Variants in RXFP1 observed in about 807,000 individuals in gnomAD.
The protein encoded by RXFP1 is relaxin receptor 1.
RXFP1 carries 73 observed loss-of-function variants against 89.8 expected under a neutral mutation model. The observed-to-expected ratio is 0.81, with a 90% confidence interval of 0.67 to 0.99. The LOEUF is 0.99. Ranked by LOEUF, RXFP1 falls within the 50% of genes least tolerant of loss-of-function variation. The probability of loss-of-function intolerance (pLI) is 0.00; values close to 1 mark genes in which losing one functional copy is unlikely to be tolerated. For synonymous variants in RXFP1, 277 were observed against 305.5 expected, an observed-to-expected ratio of 0.91 and a Z score of 0.97; for missense variants, 793 against 895.5, an observed-to-expected ratio of 0.89 and a Z score of 1.46.
chr4:158,610,503 A>G (rs970484587), intron 6 of RXFP1: 4 of 400,908 alleles, frequency 1.0e-5, no homozygotes, highest in Non-Finnish European at 1.9e-5. Flanking sequence ...TTTATGATCT[A>G]AGATGGGAAA....
intron 2 of RXFP1, among the ~76,000 whole-genome samples, chr4:158,591,763 A>G (rs1759526679): frequency 6.6e-6 from 1 of 152,134 alleles, no homozygotes; most frequent in Admixed American, 6.5e-5. Flanking sequence ...AACTTTTTTA[A>G]TTTTAAAAAT....
chr4:158,537,519 C>A (rs932311058), intron 1 of RXFP1, among the ~76,000 whole-genome samples: 2 of 152,136 alleles, frequency 1.3e-5, no homozygotes, highest in Non-Finnish European at 2.9e-5. Context: ...ACCTAGCTGA[C>A]AACAGAGTCT....
At chr4:158,645,758 T>G (rs1020079681) in intron 15 of RXFP1, among the ~76,000 whole-genome samples, 6 of 152,190 alleles carry the variant, frequency 3.9e-5, no homozygotes, top group Non-Finnish European at 7.4e-5. Flanking sequence ...AATTTATCCA[T>G]GCTCCCTCAA....
rs139002286 is a variant in RXFP1, at chr4:158,537,444, G to T, written c.49+15419G>T. Among the ~76,000 whole-genome samples the T allele has an allele frequency of 2.1e-3, 327 of 152,228 alleles. 3 individuals are homozygous for T. The highest frequency in any genetic ancestry group is 7.7e-3 in the African/African-American group (319 of 41,534). On this transcript the variant is annotated intron_variant, in intron 1 of 17. Coordinates refer to ENST00000307765, the MANE Select transcript of RXFP1 (RefSeq NM_021634.4). ...TGTCCTTTGAGAAAACAGGGTCTTG[G>T]TGGAAGACTATGTTAACATCAGGCC...
chr4:158,545,272 CT>C (rs1380342497), intron 1 of RXFP1, among the ~76,000 whole-genome samples: 89 of 152,094 alleles, frequency 5.9e-4, no homozygotes, highest in African/African-American at 2.1e-3. Flanking sequence ...TGTTCATATC[CT>C]TCGCCCACTT....
intron 5 of RXFP1, among the ~76,000 whole-genome samples, chr4:158,606,454 C>T (rs1762546171): frequency 6.6e-6 from 1 of 152,044 alleles, no homozygotes; most frequent in Non-Finnish European, 1.5e-5. Context: ...ACCTTTAGAC[C>T]TCCAGGCAAT....
chr4:158,616,255 C>T (rs999283388), intron 8 of RXFP1, among the ~76,000 whole-genome samples: 1 of 151,960 alleles, frequency 6.6e-6, no homozygotes, highest in African/African-American at 2.4e-5. Context: ...AACCCCATCT[C>T]CACTAAAAAT....
At position 158,593,411 on chromosome 4, in the gene RXFP1, T is replaced by C. The variant is rs1759924880; in HGVS notation, c.198T>C (p.Asn66=). ...QADEDNCGDN[N]GWSLQFDKYF... is the part of the protein sequence containing the mutation. ...TGATTTTTATTTTAGGAGACAACAA[T>C]GGATGGTCTCTGCAATTTGACAAAT... Residue 66 remains asparagine, a synonymous_variant, in exon 3 of 18, where the codon AAT becomes AAC. Transcript: ENST00000307765. The C allele has an allele frequency of 6.2e-7, 1 of 1,607,302 alleles. No individual in the cohort carries two copies. Among genetic ancestry groups the C allele is most frequent in the Non-Finnish European group, 8.5e-7 (1 of 1,175,150 alleles).
intron 1 of RXFP1, among the ~76,000 whole-genome samples, chr4:158,569,277 A>G (rs1363842848): frequency 6.6e-6 from 1 of 152,266 alleles, no homozygotes; most frequent in African/African-American, 2.4e-5. Context: ...CTATGGAGAT[A>G]GTAAAATGTT....
intron 6 of RXFP1, chr4:158,610,778 C>A: frequency 9.0e-7 from 1 of 1,110,722 alleles, no homozygotes; most frequent in Non-Finnish European, 1.2e-6. Context: ...ATTTCTTACC[C>A]CTTACTGTGC....
At position 158,648,717 on chromosome 4, in the gene RXFP1, G is replaced by T; in HGVS notation, c.1975G>T (p.Gly659Cys). The T allele has an allele frequency of 6.5e-7, 1 of 1,540,048 alleles. No individual in the cohort carries two copies. Among genetic ancestry groups the T allele is most frequent in the Non-Finnish European group, 8.9e-7 (1 of 1,127,580 alleles). ...TTCACTGCTTCAGGTAGAAATACCAGGTACAATATTTTTTAATCTCCTTAA... is the reference window on the plus strand; with the variant it reads ...TTCACTGCTTCAGGTAGAAATACCATGTACAATATTTTTTAATCTCCTTAA... ...FLSLLQVEIP[G>C]TITSWVVIFI... The change falls in exon 17 of 18, where the codon GGT becomes TGT. Residue 659 changes from glycine to cysteine, a missense_variant and splice_region_variant. Transcript: ENST00000307765.
intron 11 of RXFP1, among the ~76,000 whole-genome samples, chr4:158,630,197 C>A (rs759020661): frequency 1.3e-5 from 2 of 152,116 alleles, no homozygotes; most frequent in Non-Finnish European, 2.9e-5. Context: ...AGGGAATGAG[C>A]CATTAAAAAC....
intron 8 of RXFP1, among the ~76,000 whole-genome samples, chr4:158,614,255 C>G (rs1764099519): frequency 1.3e-5 from 2 of 152,188 alleles, no homozygotes; most frequent in Admixed American, 1.3e-4. Context: ...CTTAAAGTCA[C>G]CAGCTGCATT....
At position 158,650,469 on chromosome 4, in the gene RXFP1, A is replaced by G. The variant is rs192312428; in HGVS notation, c.1976-1288A>G. The stretch of plus-strand genomic sequence containing the variant: ...TATATATAATGCAGTTTGTATTCAC[A>G]TTTTAAAATTTTCATGTAGCAGGGC... On this transcript the variant is annotated intron_variant, in intron 17 of 17. Coordinates refer to ENST00000307765, the MANE Select transcript of RXFP1 (RefSeq NM_021634.4). Among the ~76,000 whole-genome samples, 902 of 149,636 alleles carry G rather than the reference A, an allele frequency of 6.0e-3. 3 individuals are homozygous for G. The highest frequency in any genetic ancestry group is 9.6e-3 in the Non-Finnish European group (653 of 67,710).
At position 158,652,213 on chromosome 4, in the gene RXFP1, A is replaced by G; in HGVS notation, c.*158A>G. The G allele has an allele frequency of 1.7e-6, 1 of 588,908 alleles. No individual in the cohort carries two copies. The highest frequency in any genetic ancestry group is 2.9e-6 in the Non-Finnish European group (1 of 350,572). 36.5% of individuals were successfully genotyped at this position (588,908 alleles called of 1,614,324 possible). A position where few individuals can be genotyped will look rare whatever the true frequency, so the allele number is the denominator to read the frequency against. On this transcript the variant is annotated 3_prime_UTR_variant, in exon 18 of 18. Transcript: ENST00000307765. The stretch of plus-strand genomic sequence containing the variant: ...AAAAATAAAAATGACTAATGCTCTT[A>G]CAAAGGGAAGTAATTATATCAATAA...
At chr4:158,616,574 G>A (rs1232161979) in intron 8 of RXFP1, among the ~76,000 whole-genome samples, 2 of 90,936 alleles carry the variant, frequency 2.2e-5, no homozygotes, top group African/African-American at 9.5e-5. Flanking sequence ...TTTTTTTTTA[G>A]TTACTAACAT....
chr4:158,549,828 T>C (rs1749609306), intron 1 of RXFP1, among the ~76,000 whole-genome samples: 1 of 152,092 alleles, frequency 6.6e-6, no homozygotes, highest in South Asian at 2.1e-4. Context: ...CTCAGAGGAG[T>C]ACCCGGCCGT....
At position 158,647,171 on chromosome 4, in the gene RXFP1, G is replaced by C. The variant is rs1199591659; in HGVS notation, c.1726G>C (p.Ala576Pro). The change falls in exon 16 of 18, where the codon GCC becomes CCC. Residue 576 changes from alanine to proline, a missense_variant. Transcript: ENST00000307765. ...TTCAGAAGATACAGAAAGTATTGGA[G>C]CCCAGATTTATTCAGTGGCAATTTT... is the stretch of plus-strand genomic sequence containing the variant. ...LHSEDTESIG[A>P]QIYSVAIFLG... The C allele has an allele frequency of 3.1e-6, 5 of 1,594,348 alleles. No individual in the cohort carries two copies. The South Asian group carries it at 5.7e-5, about 18-fold the overall frequency.
chr4:158,606,926 T>C, intron 5 of RXFP1: 1 of 733,886 alleles, frequency 1.4e-6, no homozygotes, highest in South Asian at 1.6e-5. Context: ...TTAGGTTTTC[T>C]TGCATGTTGG....
Sources: gnomAD v4.1 joint callset for allele counts (sites outside exome capture counted in the v4.1 genomes callset) on GRCh38, gnomAD v4.1.1 for gene constraint, MANE v1.5 for transcripts, NCBI Gene and HGNC (gene_info 2026-07-23, HGNC 2026-07-21) for gene names.